The following RAB3GAP1 variants were observed in gnomAD, a reference collection of about 807,000 sequenced individuals.
The protein encoded by RAB3GAP1 is rab3 GTPase-activating protein catalytic subunit.
RAB3GAP1 carries 86 observed loss-of-function variants against 130.7 expected under a neutral mutation model. The observed-to-expected ratio is 0.66, with a 90% CI of 0.55 to 0.79. The LOEUF is 0.79. Among genes scored for constraint, RAB3GAP1 ranks in the 30% least tolerant of loss-of-function variants. The pLI is 0.00. For missense variants in RAB3GAP1, 1,029 were observed against 1,169.4 expected (o/e 0.88, Z 1.75); for synonymous variants, 367 against 401.7 (o/e 0.91, Z 1.03).
rs558444246 is a variant in RAB3GAP1 at position 135,151,236 on chromosome 2, C to T, written c.2061+730C>T. Among the ~76,000 whole-genome samples the T allele has an allele frequency of 4.7e-4, 72 of 152,308 alleles. 1 individual carries two copies. Among genetic ancestry groups the T allele is most frequent in the Middle Eastern group, 3.4e-3 (1 of 294 alleles). On this transcript the variant is annotated intron_variant, in intron 18 of 23. Coordinates refer to ENST00000264158, the MANE Select transcript of RAB3GAP1 (RefSeq NM_012233.3). ...TGTTAAAACCCCAAGTGGGTAGCCC[C>T]ATGGGCTACAGGGCTTCCTTTCCTA...
At chr2:135,159,147 A>G (rs1218466710) in intron 19 of RAB3GAP1, among the ~76,000 whole-genome samples, 4 of 152,216 alleles carry the variant, frequency 2.6e-5, no homozygotes, top group Non-Finnish European at 2.9e-5. Flanking sequence ...ATATAAATTA[A>G]TGGGATAGAA....
Position 135,058,087 on chromosome 2 carries a change from G to C in RAB3GAP1, c.150+1G>C, listed in dbSNP as rs1289411211. 1 of 1,605,228 alleles carries C rather than the reference G, an allele frequency of 6.2e-7. No individual in the cohort carries two copies. Among genetic ancestry groups the C allele is most frequent in the Non-Finnish European group, 8.5e-7 (1 of 1,172,196 alleles). On this transcript the variant is annotated splice_donor_variant, in intron 3 of 23. Coordinates refer to ENST00000264158, the MANE Select transcript of RAB3GAP1 (RefSeq NM_012233.3). LOFTEE classifies it high-confidence loss of function. Reference sequence around the variant, plus strand: ...CTCTTTGGGAAAGCCACTCGAAAAGGTCAGATCTATTTGCTGGTGTCTCTA... The same window carrying C: ...CTCTTTGGGAAAGCCACTCGAAAAGCTCAGATCTATTTGCTGGTGTCTCTA...
chr2:135,106,111 G>A (rs944127266), intron 5 of RAB3GAP1, among the ~76,000 whole-genome samples: 5 of 150,126 alleles, frequency 3.3e-5, no homozygotes, highest in African/African-American at 1.2e-4. Flanking sequence ...GTCAGCCCCC[G>A]CCCTGCCAGC....
intron 2 of RAB3GAP1, 40 bp downstream of exon 2, chr2:135,052,525 C>T (rs769247446): frequency 2.5e-6 from 4 of 1,608,936 alleles, no homozygotes; most frequent in East Asian, 2.2e-5. Context: ...TCCCATGGGC[C>T]CTGGCGTCCC....
intron 6 of RAB3GAP1, among the ~76,000 whole-genome samples, chr2:135,114,433 T>C (rs904233718): frequency 2.0e-5 from 3 of 152,264 alleles, no homozygotes; most frequent in Non-Finnish European, 2.9e-5. Context: ...TTTGCTAGAA[T>C]ATTTACTAAT....
At chr2:135,055,679 A>AG (rs1021932652) in intron 2 of RAB3GAP1, among the ~76,000 whole-genome samples, 3 of 122,702 alleles carry the variant, frequency 2.4e-5, no homozygotes, top group African/African-American at 1.1e-4. Flanking sequence ...ACCCTGTCTC[A>AG]AAAAAAAAAA....
Position 135,170,009 on chromosome 2 carries a change from T to G in RAB3GAP1, c.*1228T>G, listed in dbSNP as rs1387136311. The stretch of plus-strand genomic sequence containing the variant: ...AAAAAATACATATCTATATATAATA[T>G]GTGTGTGTGTGTGACATATGCACAC... On this transcript the variant is annotated 3_prime_UTR_variant, in exon 24 of 24. Coordinates refer to ENST00000264158, the MANE Select transcript of RAB3GAP1 (RefSeq NM_012233.3). The G allele has an allele frequency of 1.4e-5, 3 of 220,494 alleles. No individual in the cohort carries two copies. The highest frequency in any genetic ancestry group is 2.8e-5 in the Non-Finnish European group (3 of 108,562). The allele number at this position is 220,494 out of a possible 1,614,324, so 13.7% of individuals were successfully genotyped here. A position where few individuals can be genotyped will look rare whatever the true frequency, so the allele number is the denominator to read the frequency against.
rs184998576 is a variant in RAB3GAP1 at position 135,052,926 on chromosome 2, C to G, written c.74+441C>G. Among the ~76,000 whole-genome samples the G allele has an allele frequency of 2.0e-4, 31 of 152,316 alleles. No homozygotes were observed. The East Asian group carries it at 5.8e-3, about 28-fold the overall frequency. On this transcript the variant is annotated intron_variant, in intron 2 of 23. Coordinates refer to ENST00000264158, the MANE Select transcript of RAB3GAP1 (RefSeq NM_012233.3). ...ATACCCTTTTCAGGAGGAAGTCTTTCTTCAGAGTATTGGTAGTTGTCCATC... is the reference window on the plus strand; with the variant it reads ...ATACCCTTTTCAGGAGGAAGTCTTTGTTCAGAGTATTGGTAGTTGTCCATC...
chr2:135,080,010 G>T (rs966345551), intron 3 of RAB3GAP1, among the ~76,000 whole-genome samples: 4 of 151,828 alleles, frequency 2.6e-5, no homozygotes, highest in African/African-American at 7.3e-5. Context: ...CCAGCTACTC[G>T]GGAGGCTGAG....
chr2:135,152,339 T>G (rs1411677402), intron 18 of RAB3GAP1, among the ~76,000 whole-genome samples: 1 of 152,218 alleles, frequency 6.6e-6, no homozygotes, highest in African/African-American at 2.4e-5. Flanking sequence ...AACCTTGGCC[T>G]TCTCTTGGTA....
At chr2:135,121,671 C>T (rs574899617) in intron 8 of RAB3GAP1, among the ~76,000 whole-genome samples, 5 of 152,158 alleles carry the variant, frequency 3.3e-5, no homozygotes, top group East Asian at 3.9e-4. Flanking sequence ...AGCCTGAAAA[C>T]GTTTTTTAAT....
chr2:135,103,416 C>T (rs1690509057), intron 5 of RAB3GAP1, among the ~76,000 whole-genome samples: 1 of 152,122 alleles, frequency 6.6e-6, no homozygotes, highest in African/African-American at 2.4e-5. Context: ...GAGAAACCAG[C>T]ATTTTAGACT....
chr2:135,173,535 A>G (rs554634080), downstream of RAB3GAP1, among the ~76,000 whole-genome samples: 2 of 152,286 alleles, frequency 1.3e-5, no homozygotes, highest in African/African-American at 2.4e-5. Context: ...CAGAGGAGCA[A>G]ATGCATTCAG....
At chr2:135,096,382 A>C (rs143534512) in intron 5 of RAB3GAP1, among the ~76,000 whole-genome samples, 14 of 152,292 alleles carry the variant, frequency 9.2e-5, no homozygotes, top group African/African-American at 3.4e-4. Flanking sequence ...TAGCACTTTT[A>C]AAAAAGAAAA....
intron 5 of RAB3GAP1, among the ~76,000 whole-genome samples, chr2:135,112,720 T>C (rs1316789541): frequency 6.6e-6 from 1 of 152,158 alleles, no homozygotes; most frequent in African/African-American, 2.4e-5. Context: ...ATTACAGTGG[T>C]CTTATGAATA....
chr2:135,106,624 G>A (rs991526607), intron 5 of RAB3GAP1, among the ~76,000 whole-genome samples: 1 of 151,924 alleles, frequency 6.6e-6, no homozygotes, highest in Non-Finnish European at 1.5e-5. Context: ...GCGGAAGGCC[G>A]CAGGGTCCTC....
chr2:135,058,205 T>TA, intron 3 of RAB3GAP1, 119 bp downstream of exon 3: 1 of 820,792 alleles, frequency 1.2e-6, no homozygotes, highest in Non-Finnish European at 2.0e-6. Flanking sequence ...GTATAATCTA[T>TA]AAACATCAAA....
intron 15 of RAB3GAP1, 78 bp from the exon 16 acceptor site, chr2:135,135,187 T>C (rs1459776157): frequency 8.8e-7 from 1 of 1,135,076 alleles, no homozygotes; most frequent in Non-Finnish European, 1.3e-6. Flanking sequence ...CTAAAAATTA[T>C]GGTAGTATAG....
chr2:135,162,329 A>T, intron 19 of RAB3GAP1: 1 of 519,478 alleles, frequency 1.9e-6, no homozygotes, highest in Non-Finnish European at 3.4e-6. Flanking sequence ...ATTTGTGTGT[A>T]TTACATAAGA....
Sources: allele counts gnomAD v4.1 joint callset (sites outside exome capture counted in the v4.1 genomes callset), GRCh38; gene constraint gnomAD v4.1.1; transcripts MANE v1.5; gene names NCBI Gene and HGNC (gene_info 2026-07-23, HGNC 2026-07-21).